Variants in GRAMD4 observed in about 807,000 individuals in gnomAD.
GRAMD4 encodes GRAM domain-containing protein 4.
A neutral mutation model predicts 83.9 loss-of-function variants in GRAMD4; 25 were observed. That is an observed-to-expected ratio of 0.30 (90% CI 0.22 to 0.42). GRAMD4 has a LOEUF of 0.42. GRAMD4 is among the 10% of genes least tolerant of loss of function. The pLI, the probability that GRAMD4 is intolerant of heterozygous loss-of-function variation, is 1.00. For missense variants in GRAMD4, 593 were observed against 788.7 expected (o/e 0.75, Z 2.97); for synonymous variants, 336 against 320.9 (o/e 1.05, Z -0.50).
At position 46,621,610 on chromosome 22, in the gene GRAMD4, GGC is replaced by G. The variant is rs2081576982; in HGVS notation, c.-50+1048_-50+1049del. ...CGGAGGGCACCCCTACCCCGGTGCAGGCGCAGGCTGGAGGCGTAGCCCGGGCC... is the reference window on the plus strand; with the variant it reads ...CGGAGGGCACCCCTACCCCGGTGCAGGCAGGCTGGAGGCGTAGCCCGGGCC... On this transcript the variant is annotated intron_variant, in intron 1 of 18. Transcript: ENST00000406902. The surrounding 1 kb of genome is among the most constrained non-coding windows in gnomAD (Gnocchi z 5.8). Among the ~76,000 whole-genome samples the G allele has an allele frequency of 3.1e-5, 2 of 64,828 alleles. No individual in the cohort carries two copies. Among genetic ancestry groups the G allele is most frequent in the African/African-American group, 1.2e-4 (2 of 17,174 alleles). The allele number at this position is 64,828 out of a possible 152,430, so 42.5% of individuals were successfully genotyped here.
At position 46,626,896 on chromosome 22, in the gene GRAMD4, A is replaced by G; in HGVS notation, c.97A>G (p.Ser33Gly). The change falls in exon 2 of 19, where the codon AGC becomes GGC. Residue 33 changes from serine to glycine, a missense_variant. Transcript: ENST00000406902. ...ESPNASDTECSDEIPLKVPRT... is the reference protein window; with the variant it reads ...ESPNASDTECGDEIPLKVPRT... ...TCCAAATGCCTCGGACACCGAATGC[A>G]GCGACGAAATCCCCCTGAAGGTACC... The G allele has an allele frequency of 6.2e-7, 1 of 1,614,194 alleles. No individual in the cohort carries two copies. Among genetic ancestry groups the G allele is most frequent in the Middle Eastern group, 1.6e-4 (1 of 6,062 alleles).
intron 1 of GRAMD4, among the ~76,000 whole-genome samples, chr22:46,610,446 G>A (rs112991254): frequency 0.014 from 2,127 of 152,334 alleles, 35 homozygotes; most frequent in Middle Eastern, 0.037. Flanking sequence ...GTACACAGCC[G>A]TGCCCATTTG....
chr22:46,611,889 C>T (rs1483248223), intron 1 of GRAMD4, among the ~76,000 whole-genome samples: 2 of 144,896 alleles, frequency 1.4e-5, no homozygotes, highest in South Asian at 2.2e-4. Context: ...CCCAGCTACA[C>T]GGGAGGCTGA....
chr22:46,677,098 C>T (rs370732833), intron 18 of GRAMD4, 49 bp from the exon 19 acceptor site: 60 of 1,606,008 alleles, frequency 3.7e-5, no homozygotes, highest in African/African-American at 2.3e-4. Flanking sequence ...CTGGTCCTGG[C>T]GCCAGCCTGG....
chr22:46,667,326 C>T (rs917569228), intron 10 of GRAMD4, among the ~76,000 whole-genome samples: 6 of 152,204 alleles, frequency 3.9e-5, no homozygotes, highest in Non-Finnish European at 7.3e-5. Context: ...GGCAACAGAG[C>T]AAGACTCTGT....
chr22:46,616,335 T>C, upstream of GRAMD4, among the ~76,000 whole-genome samples: 1 of 40,338 alleles, frequency 2.5e-5, no homozygotes, highest in Non-Finnish European at 5.0e-5. Context: ...TGTGTGTAGG[T>C]TCCCCTGTGT....
In GRAMD4 at chr22:46,656,420, G is replaced by A. The variant is rs570777606; in HGVS notation, c.284-1767G>A. Among the ~76,000 whole-genome samples, 6 of 152,326 alleles carry A rather than the reference G, an allele frequency of 3.9e-5. No homozygotes were observed. The South Asian group carries it at 6.2e-4, about 16-fold the overall frequency. On this transcript the variant is annotated intron_variant, in intron 3 of 18. Transcript: ENST00000406902. ...GGTTTACTGACCCTAGTCCACCCGCGGCTGCTCCCTGCCTGGGCACGGCCC... is the reference window on the plus strand; with the variant it reads ...GGTTTACTGACCCTAGTCCACCCGCAGCTGCTCCCTGCCTGGGCACGGCCC...
Position 46,621,894 on chromosome 22 carries a change from A to G in GRAMD4, c.-50+1329A>G, listed in dbSNP as rs2081581659. Among the ~76,000 whole-genome samples, 1 of 152,138 alleles carries G rather than the reference A, an allele frequency of 6.6e-6. No individual in the cohort carries two copies. The highest frequency in any genetic ancestry group is 1.5e-5 in the Non-Finnish European group (1 of 68,006). ...GAAGCTTGAAAAGTCTGTCTTTTTG[A>G]TGGACCCAGGGAGTTGGGTGAGGAG... On this transcript the variant is annotated intron_variant, in intron 1 of 18. Coordinates refer to ENST00000406902, the MANE Select transcript of GRAMD4 (RefSeq NM_015124.5). The surrounding 1 kb of genome is among the most constrained non-coding windows in gnomAD (Gnocchi z 5.8).
chr22:46,669,583 T>C (rs1234701713), intron 13 of GRAMD4, among the ~76,000 whole-genome samples: 4 of 151,698 alleles, frequency 2.6e-5, no homozygotes, highest in African/African-American at 9.7e-5. Flanking sequence ...CTCTCTCTTT[T>C]TTTTTTTTTG....
Position 46,622,844 on chromosome 22 carries a change from G to A in GRAMD4, c.-50+2279G>A, listed in dbSNP as rs1008350370. Among the ~76,000 whole-genome samples, 6 of 150,992 alleles carry A rather than the reference G, an allele frequency of 4.0e-5. No homozygotes were observed. Among genetic ancestry groups the A allele is most frequent in the South Asian group, 2.1e-4 (1 of 4,770 alleles). On this transcript the variant is annotated intron_variant, in intron 1 of 18. Transcript: ENST00000406902. This position sits in a 1 kb window ranked among gnomAD's most constrained non-coding sequence, Gnocchi z 4.0. The stretch of plus-strand genomic sequence containing the variant: ...GGAGAATGGCGTGAACCCAGGAGGC[G>A]GATCTTGCAGTGAGCCGAGATCACG...
chr22:46,667,742 T>C (rs2082432562), intron 10 of GRAMD4, among the ~76,000 whole-genome samples: 4 of 152,196 alleles, frequency 2.6e-5, no homozygotes, highest in African/African-American at 9.6e-5. Flanking sequence ...TCTTAACGAA[T>C]GGGAGACAAG....
intron 3 of GRAMD4, among the ~76,000 whole-genome samples, chr22:46,649,679 C>G (rs1406868985): frequency 6.6e-6 from 1 of 152,238 alleles, no homozygotes; most frequent in African/African-American, 2.4e-5. Context: ...TGGTTATCAG[C>G]CAAGACAGTG....
rs1954137919 is a variant in GRAMD4, at chr22:46,577,262, AT to A, written c.-77del. 8.2e-6 allele frequency: 8 copies of A among 977,780 alleles called. No homozygotes were observed. In the South Asian group the frequency reaches 3.3e-4, roughly 40 times the overall value. 60.6% of individuals were successfully genotyped at this position (977,780 alleles called of 1,614,324 possible). Reference sequence around the variant, plus strand: ...GCGAGGGGGGCGCCGCGGCGGGTGGATGAGAGTTGGCCCCGATATCCGCTCA... The same window carrying A: ...GCGAGGGGGGCGCCGCGGCGGGTGGAGAGAGTTGGCCCCGATATCCGCTCA... On this transcript the variant is annotated 5_prime_UTR_variant, in exon 1 of 2. Coordinates refer to the GRAMD4 transcript ENST00000431155.
chr22:46,653,370 G>A (rs2082195900), intron 3 of GRAMD4, among the ~76,000 whole-genome samples: 1 of 152,212 alleles, frequency 6.6e-6, no homozygotes, highest in Non-Finnish European at 1.5e-5. Flanking sequence ...TCAGGGCTCT[G>A]CAGAGAGCCT....
At chr22:46,645,976 G>C (rs891036102) in intron 3 of GRAMD4, among the ~76,000 whole-genome samples, 2 of 152,192 alleles carry the variant, frequency 1.3e-5, no homozygotes, top group African/African-American at 2.4e-5. Flanking sequence ...GCACTGTGAT[G>C]TAGAATTTGG....
In GRAMD4 at chr22:46,668,862, C is replaced by T. The variant is rs1054130178; in HGVS notation, c.1038C>T (p.Phe346=). ...QKLYVALWAA[F]LASCFFPYRL... ...TGTATGTGGCGCTCTGGGCTGCCTT[C>T]CTGGCCTCCTGCTTCTTCCCCTACC... is the stretch of plus-strand genomic sequence containing the variant. Residue 346 remains phenylalanine, a synonymous_variant, in exon 13 of 19, where the codon TTC becomes TTT. Coordinates refer to ENST00000406902, the MANE Select transcript of GRAMD4 (RefSeq NM_015124.5). 1.2e-6 allele frequency: 2 copies of T among 1,612,602 alleles called. No individual in the cohort carries two copies. The highest frequency in any genetic ancestry group is 1.7e-6 in the Non-Finnish European group (2 of 1,179,474).
intron 1 of GRAMD4, among the ~76,000 whole-genome samples, chr22:46,578,856 C>T (rs986622238): frequency 2.6e-5 from 4 of 151,252 alleles, no homozygotes; most frequent in African/African-American, 9.9e-5. Context: ...CCTTCTGCAG[C>T]ACTTTGTGGT....
chr22:46,640,879 A>C (rs900058006), intron 3 of GRAMD4, among the ~76,000 whole-genome samples: 1 of 134,428 alleles, frequency 7.4e-6, no homozygotes, highest in African/African-American at 2.9e-5. Context: ...CTCTCATTTC[A>C]GCTGTAAATA....
chr22:46,657,676 G>C (rs1023017007), intron 3 of GRAMD4, among the ~76,000 whole-genome samples: 11 of 152,330 alleles, frequency 7.2e-5, no homozygotes, highest in African/African-American at 2.6e-4. Flanking sequence ...TGTCCAGCCT[G>C]CCCCGTGCTC....
Sources: allele counts gnomAD v4.1 joint callset (sites outside exome capture counted in the v4.1 genomes callset), GRCh38; gene constraint gnomAD v4.1.1; non-coding constraint Gnocchi (gnomAD v3.1); transcripts MANE v1.5; gene names NCBI Gene and HGNC (gene_info 2026-07-23, HGNC 2026-07-21).